The following TMEM71 variants were observed in gnomAD, a reference collection of about 807,000 sequenced individuals.
TMEM71 encodes the protein transmembrane protein 71.
TMEM71 carries 44 observed loss-of-function variants against 38.0 expected under a neutral mutation model. The ratio of observed to expected loss-of-function variants is 1.16; its 90% CI spans 0.91 to 1.49. The LOEUF is 1.49. TMEM71 is among the 40% of genes most tolerant of loss of function. The pLI, the probability that TMEM71 is intolerant of heterozygous loss-of-function variation, is 0.00. For synonymous variants in TMEM71, 133 were observed against 122.5 expected (o/e 1.09, Z -0.56); for missense variants, 367 against 348.6 (o/e 1.05, Z -0.42).
At chr8:132,725,614 C>A (rs529436890) in intron 6 of TMEM71, among the ~76,000 whole-genome samples, 3 of 152,314 alleles carry the variant, frequency 2.0e-5, no homozygotes, top group Non-Finnish European at 2.9e-5. Flanking sequence ...AACACACATG[C>A]AATACCTACA....
chr8:132,726,502 G>C (rs1397870454), intron 6 of TMEM71, among the ~76,000 whole-genome samples: 2 of 152,244 alleles, frequency 1.3e-5, no homozygotes, highest in Non-Finnish European at 2.9e-5. Context: ...CTTTACATGA[G>C]TTATTTTAGT....
intron 9 of TMEM71, among the ~76,000 whole-genome samples, chr8:132,711,542 A>G (rs1199509239): frequency 6.6e-6 from 1 of 152,174 alleles, no homozygotes; most frequent in Non-Finnish European, 1.5e-5. Context: ...TTTAAGAGAG[A>G]ACAGATGTGA....
chr8:132,723,729 C>T (rs1441721992), intron 6 of TMEM71, among the ~76,000 whole-genome samples: 1 of 152,204 alleles, frequency 6.6e-6, no homozygotes, highest in Admixed American at 6.5e-5. Flanking sequence ...AATCACCTCT[C>T]CCCCTCTCTT....
At chr8:132,727,504 C>T (rs929192049) in intron 6 of TMEM71, among the ~76,000 whole-genome samples, 2 of 152,186 alleles carry the variant, frequency 1.3e-5, no homozygotes, top group African/African-American at 4.8e-5. Context: ...GATCCGCCCG[C>T]CTCGGCCTCC....
At chr8:132,741,983 G>A (rs987134562) in intron 5 of TMEM71, among the ~76,000 whole-genome samples, 8 of 152,252 alleles carry the variant, frequency 5.3e-5, no homozygotes, top group African/African-American at 1.7e-4. Flanking sequence ...CCCAGACGCT[G>A]GCGTCACCAC....
intron 7 of TMEM71, among the ~76,000 whole-genome samples, chr8:132,718,399 T>TC (rs1826652723): frequency 5.0e-5 from 2 of 40,386 alleles, no homozygotes; most frequent in Non-Finnish European, 9.4e-5. Flanking sequence ...GGATTTTCTC[T>TC]TTTTTTTTTT....
chr8:132,722,089 A>G lies in TMEM71; in HGVS notation c.703T>C (p.Phe235Leu), dbSNP rs1410188727. Residue 235 changes from phenylalanine (F) to leucine (L), a missense_variant, in exon 7 of 10, where the codon TTT (phenylalanine) becomes CTT (leucine). Transcript: ENST00000677595. ...SETRLLQEVF[F>L]QAILLAVCLI... Reference sequence around the variant, plus strand: ...CACACAGCAAGCAGGATTGCCTGAAAGAAGACCTCTTGCAACAACCTGGTT... The same window carrying G: ...CACACAGCAAGCAGGATTGCCTGAAGGAAGACCTCTTGCAACAACCTGGTT... The G allele has an allele frequency of 6.2e-7, 1 of 1,614,098 alleles. No individual in the cohort carries two copies. Among genetic ancestry groups the G allele is most frequent in the Non-Finnish European group, 8.5e-7 (1 of 1,179,930 alleles).
At chr8:132,764,719 A>G (rs965228863), upstream of TMEM71, among the ~76,000 whole-genome samples, 1 of 152,154 alleles carries the variant, frequency 6.6e-6, no homozygotes, top group Non-Finnish European at 1.5e-5. Flanking sequence ...ACCCTCCCAG[A>G]CCAGGTTATG....
At chr8:132,746,218 C>G (rs1828332394) in intron 5 of TMEM71, among the ~76,000 whole-genome samples, 1 of 150,320 alleles carries the variant, frequency 6.7e-6, no homozygotes, top group Non-Finnish European at 1.5e-5. Context: ...TTTGAGTTCC[C>G]ATCACTGTGT....
At chr8:132,708,708 A>T (rs1196604226), downstream of TMEM71, among the ~76,000 whole-genome samples, 1 of 152,218 alleles carries the variant, frequency 6.6e-6, no homozygotes, top group Non-Finnish European at 1.5e-5. Context: ...AAATGGGATG[A>T]AGTTAAGGAT....
chr8:132,745,068 G>C (rs960095761), intron 5 of TMEM71, among the ~76,000 whole-genome samples: 2 of 152,062 alleles, frequency 1.3e-5, no homozygotes, highest in Non-Finnish European at 2.9e-5. Context: ...TAACCTATAA[G>C]AATCCTAGAA....
chr8:132,765,744 T>C, the TMEM71 span, among the ~76,000 whole-genome samples: 1 of 151,848 alleles, frequency 6.6e-6, no homozygotes, highest in African/African-American at 2.4e-5. Flanking sequence ...CTTCTCTACT[T>C]GAATCTAACA....
intron 6 of TMEM71, 49 bp downstream of exon 6, chr8:132,727,749 A>G (rs1827226785): frequency 6.7e-7 from 1 of 1,486,592 alleles, no homozygotes; most frequent in African/African-American, 1.4e-5. Context: ...CAGGCTCTGA[A>G]AGGAAGAATT....
chr8:132,726,682 A>T (rs190137532), intron 6 of TMEM71, among the ~76,000 whole-genome samples: 1 of 152,220 alleles, frequency 6.6e-6, no homozygotes, highest in Non-Finnish European at 1.5e-5. Context: ...ACCATGTCCA[A>T]ACATGCTTAA....
chr8:132,734,856 T>C (rs1367132991), intron 5 of TMEM71, among the ~76,000 whole-genome samples: 2 of 152,358 alleles, frequency 1.3e-5, no homozygotes, highest in Non-Finnish European at 2.9e-5. Flanking sequence ...CTAAATTTGA[T>C]GTACTTTACC....
At chr8:132,732,505 A>C (rs1827513846) in intron 5 of TMEM71, among the ~76,000 whole-genome samples, 1 of 152,162 alleles carries the variant, frequency 6.6e-6, no homozygotes, top group African/African-American at 2.4e-5. Flanking sequence ...AGCAGAGGTC[A>C]CATTGTGTGG....
chr8:132,706,495 A>G (rs1259634242), downstream of TMEM71, among the ~76,000 whole-genome samples: 1 of 152,184 alleles, frequency 6.6e-6, no homozygotes, highest in Non-Finnish European at 1.5e-5. Context: ...ACTTTAATTT[A>G]CTTTCTCAAT....
At chr8:132,759,202 G>T (rs1446412449) in intron 1 of TMEM71, 4 of 228,776 alleles carry the variant, frequency 1.7e-5, no homozygotes, top group Non-Finnish European at 3.4e-5. Context: ...AGGTTGATTT[G>T]TAATCCAAAG....
chr8:132,722,624 G>A (rs938842270), intron 6 of TMEM71, among the ~76,000 whole-genome samples: 2 of 152,198 alleles, frequency 1.3e-5, no homozygotes, highest in Non-Finnish European at 2.9e-5. Context: ...AGGTCACATA[G>A]CTATGAGGTG....
Sources: allele counts gnomAD v4.1 joint callset (sites outside exome capture counted in the v4.1 genomes callset), GRCh38; gene constraint gnomAD v4.1.1; transcripts MANE v1.5; gene names NCBI Gene and HGNC (gene_info 2026-07-23, HGNC 2026-07-21).